Variants in ADAT1 observed in about 807,000 individuals in gnomAD.
ADAT1 encodes adenosine deaminase tRNA specific 1.
A neutral mutation model predicts 58.6 loss-of-function variants in ADAT1; 58 were observed. That is an observed-to-expected ratio of 0.99 (90% confidence interval 0.80 to 1.23). The LOEUF is 1.23. Ranked by LOEUF, ADAT1 falls within the 50% of genes most tolerant of loss-of-function variation. ADAT1 has a pLI of 0.00. For synonymous variants in ADAT1, 254 were observed against 220.8 expected, an observed-to-expected ratio of 1.15 and a Z score of -1.33; for missense variants, 741 against 608.6, an observed-to-expected ratio of 1.22 and a Z score of -2.29.
At chr16:75,618,732 C>A (rs753337408) in intron 3 of ADAT1, 92 bp from the exon 4 acceptor site, 2 of 1,463,334 alleles carry the variant, frequency 1.4e-6, no homozygotes, top group Non-Finnish European at 1.9e-6. Context: ...CACCAGCACC[C>A]AGGATGGTCA....
intron 3 of ADAT1, among the ~76,000 whole-genome samples, chr16:75,619,929 G>A (rs2081879387): frequency 6.6e-6 from 1 of 151,750 alleles, no homozygotes; most frequent in Admixed American, 6.6e-5. Context: ...GCTTTCTTGG[G>A]CTTCAGAAGC....
chr16:75,603,947 C>T (rs2081293230), intron 8 of ADAT1, among the ~76,000 whole-genome samples: 1 of 146,068 alleles, frequency 6.8e-6, no homozygotes, highest in Non-Finnish European at 1.5e-5. Context: ...CCAAAATCTC[C>T]CTTACCTGGC....
intron 8 of ADAT1, among the ~76,000 whole-genome samples, chr16:75,604,815 G>T (rs957223370): frequency 6.6e-6 from 1 of 152,196 alleles, no homozygotes; most frequent in Admixed American, 6.6e-5. Context: ...AGATGATTTT[G>T]ATATTGTCAG....
chr16:75,617,196 C>T lies in ADAT1; in HGVS notation c.370G>A (p.Val124Met). Residue 124 changes from valine to methionine, a missense_variant, in exon 5 of 10, where the codon GTG becomes ATG. Physicochemically the swap from Val to Met is conservative, Grantham distance 21. Transcript: ENST00000564657. Reference protein sequence around the residue: ...SIFVPGTQKGVWKLRRDLIFV... With the variant: ...SIFVPGTQKGMWKLRRDLIFV... Reference sequence around the variant, plus strand: ...ATGAGGTCTCGTCTAAGTTTCCACACTCCTTTTTGAGTTCCTGGGACAAAG... The same window carrying T: ...ATGAGGTCTCGTCTAAGTTTCCACATTCCTTTTTGAGTTCCTGGGACAAAG... The T allele has an allele frequency of 6.2e-7, 1 of 1,614,006 alleles. No individual in the cohort carries two copies. The highest frequency in any genetic ancestry group is 8.5e-7 in the Non-Finnish European group (1 of 1,179,864).
intron 2 of ADAT1, 53 bp downstream of exon 2, chr16:75,620,578 A>C (rs1391093544): frequency 1.3e-6 from 2 of 1,596,230 alleles, no homozygotes; most frequent in Non-Finnish European, 1.7e-6. Context: ...ACAGCAATGC[A>C]TAATTTTACC....
rs780727504 is a variant in ADAT1 at position 75,612,555 on chromosome 16, G to A, written c.731C>T (p.Thr244Ile). 6.2e-7 allele frequency: 1 copy of A among 1,614,098 alleles called. No homozygotes were observed. The highest frequency in any genetic ancestry group is 1.1e-5 in the South Asian group (1 of 91,080). Residue 244 changes from threonine to isoleucine, a missense_variant, in exon 6 of 10, where the codon ACC becomes ATC. Thr to Ile is a moderately conservative substitution (Grantham distance 89). Transcript: ENST00000564657. ...TTTGGCACTACCAGGGGCTATTCTG[G>A]TGACAGTAGCCAGTCCCTCTACAGT... is the stretch of plus-strand genomic sequence containing the variant. ...DLTVEGLATV[T>I]RIAPGSAKVI... is the part of the protein sequence containing the mutation.
Position 75,599,986 on chromosome 16 carries a change from A to G in ADAT1, c.*230T>C. 1 of 1,276,668 alleles carries G rather than the reference A, an allele frequency of 7.8e-7. No individual in the cohort carries two copies. Among genetic ancestry groups the G allele is most frequent in the Non-Finnish European group, 9.9e-7 (1 of 1,008,686 alleles). The allele number at this position is 1,276,668 out of a possible 1,614,324, so 79.1% of individuals were successfully genotyped here. A position where few individuals can be genotyped will look rare whatever the true frequency, so the allele number is the denominator to read the frequency against. On this transcript the variant is annotated 3_prime_UTR_variant, in exon 10 of 10. Coordinates refer to ENST00000564657, the MANE Select transcript of ADAT1 (RefSeq NM_001324445.2). ...ATATTTTAGAGAAGCAATAAAACAC[A>G]ATGGAAGTCAGATAGTGAGGTCATT...
chr16:75,617,333 C>A, intron 4 of ADAT1, 61 bp from the exon 5 acceptor site: 1 of 1,573,220 alleles, frequency 6.4e-7, no homozygotes. Context: ...GGGAAAGCCT[C>A]TGGTTGGGTG....
chr16:75,617,299 T>G (rs753618243), intron 4 of ADAT1, 27 bp from the exon 5 acceptor site: 1 of 1,603,816 alleles, frequency 6.2e-7, no homozygotes, highest in African/African-American at 1.3e-5. Context: ...GTTATTAGGA[T>G]GAACAACCGA....
chr16:75,610,372 T>C (rs756577506), intron 6 of ADAT1, among the ~76,000 whole-genome samples: 1 of 152,066 alleles, frequency 6.6e-6, no homozygotes, highest in Non-Finnish European at 1.5e-5. Flanking sequence ...CACGGTTCAC[T>C]GCAGCCTCAA....
intron 2 of ADAT1, 146 bp from the exon 3 acceptor site, chr16:75,620,480 A>T: frequency 7.2e-7 from 1 of 1,397,122 alleles, no homozygotes; most frequent in Non-Finnish European, 1.0e-6. Flanking sequence ...GTCTCCCGCC[A>T]TCAGAGGTAC....
At chr16:75,601,536 C>T (rs1220327806) in intron 9 of ADAT1, among the ~76,000 whole-genome samples, 1 of 151,964 alleles carries the variant, frequency 6.6e-6, no homozygotes, top group South Asian at 2.1e-4. Context: ...GCAGGTGGAT[C>T]GCCCGAGGTC....
intron 1 of ADAT1, among the ~76,000 whole-genome samples, chr16:75,621,403 C>G (rs2081926815): frequency 6.6e-6 from 1 of 151,946 alleles, no homozygotes; most frequent in Admixed American, 6.6e-5. Context: ...TTTCTGGGTT[C>G]TAATTTTGGC....
intron 5 of ADAT1, among the ~76,000 whole-genome samples, chr16:75,613,646 T>C (rs1208473290): frequency 6.6e-6 from 1 of 152,142 alleles, no homozygotes; most frequent in Admixed American, 6.5e-5. Context: ...CTGTTTGCTG[T>C]GGCGGCTGTC....
intron 6 of ADAT1, among the ~76,000 whole-genome samples, chr16:75,609,796 T>C (rs113359676): frequency 1.6e-4 from 25 of 152,136 alleles, no homozygotes; most frequent in African/African-American, 5.3e-4. Context: ...TTCTGCCCCC[T>C]GGTCTCAAGC....
intron 8 of ADAT1, 78 bp from the exon 9 acceptor site, chr16:75,603,249 C>A: frequency 7.5e-7 from 1 of 1,330,078 alleles, no homozygotes; most frequent in Non-Finnish European, 1.1e-6. Context: ...TGCCAGGCTT[C>A]ATGTGGTTTT....
intron 6 of ADAT1, among the ~76,000 whole-genome samples, chr16:75,610,312 T>G (rs80176092): frequency 4.6e-5 from 7 of 152,088 alleles, no homozygotes; most frequent in African/African-American, 1.2e-4. Flanking sequence ...TTTTTTTTTT[T>G]GGAGACAGGG....
At chr16:75,619,416 T>C (rs1169431543) in intron 3 of ADAT1, among the ~76,000 whole-genome samples, 2 of 151,844 alleles carry the variant, frequency 1.3e-5, no homozygotes, top group African/African-American at 4.8e-5. Context: ...TGCACACCTA[T>C]AGTCCAGCTA....
intron 8 of ADAT1, among the ~76,000 whole-genome samples, 184 bp from the exon 9 acceptor site, chr16:75,603,355 A>T (rs1409229706): frequency 6.6e-6 from 1 of 152,210 alleles, no homozygotes; most frequent in East Asian, 1.9e-4. Flanking sequence ...TATAAAAACG[A>T]GTCTAACCTT....
Sources: gnomAD v4.1 joint callset for allele counts (sites outside exome capture counted in the v4.1 genomes callset) on GRCh38, gnomAD v4.1.1 for gene constraint, MANE v1.5 for transcripts, NCBI Gene and HGNC (gene_info 2026-07-23, HGNC 2026-07-21) for gene names.